P2RX3: variants seen among roughly 807,000 people sequenced by gnomAD.
P2RX3 encodes P2X purinoceptor 3.
P2RX3 carries 41 observed loss-of-function variants against 51.5 expected under a neutral mutation model. That is an observed-to-expected ratio of 0.80 (90% CI 0.62 to 1.03). P2RX3 has a LOEUF of 1.03. Among genes scored for constraint, P2RX3 ranks in the 50% least tolerant of loss-of-function variants. The pLI is 0.00. For synonymous variants in P2RX3, 185 were observed against 191.6 expected, an observed-to-expected ratio of 0.97 and a Z score of 0.29; for missense variants, 459 against 522.1, an observed-to-expected ratio of 0.88 and a Z score of 1.18.
chr11:57,347,528 C>A (rs926618144), intron 4 of P2RX3, 50 bp downstream of exon 4: 1 of 1,532,124 alleles, frequency 6.5e-7, no homozygotes, highest in African/African-American at 1.4e-5. Context: ...TAGTGGGACC[C>A]ATGGGGGAGA....
chr11:57,346,470 T>C, intron 1 of P2RX3, 74 bp from the exon 2 acceptor site: 1 of 1,560,920 alleles, frequency 6.4e-7, no homozygotes, highest in Non-Finnish European at 8.7e-7. Flanking sequence ...GGCAGGAAGG[T>C]GACCTCTCCC....
intron 10 of P2RX3, among the ~76,000 whole-genome samples, chr11:57,368,868 C>A (rs772360108): frequency 6.6e-6 from 1 of 152,132 alleles, no homozygotes; most frequent in Non-Finnish European, 1.5e-5. Context: ...TCTGGGTCAC[C>A]CCTAGGAGCT....
intron 4 of P2RX3, 92 bp downstream of exon 4, chr11:57,347,570 C>T: frequency 7.4e-7 from 1 of 1,347,080 alleles, no homozygotes; most frequent in South Asian, 1.3e-5. Flanking sequence ...GGGAACCAGC[C>T]TGTTCCATGT....
At chr11:57,360,018 G>A (rs1856689797) in intron 8 of P2RX3, among the ~76,000 whole-genome samples, 2 of 152,152 alleles carry the variant, frequency 1.3e-5, no homozygotes, top group Non-Finnish European at 2.9e-5. Context: ...TTCACCCAAG[G>A]TCATATAAAC....
Position 57,348,189 on chromosome 11 carries a change from C to A in P2RX3, c.411C>A (p.Cys137Ter). 6.3e-7 allele frequency: 1 copy of A among 1,594,034 alleles called. No homozygotes were observed. Among genetic ancestry groups the A allele is most frequent in the Non-Finnish European group, 8.5e-7 (1 of 1,170,326 alleles). Residue 137 changes from cysteine to a stop codon, truncating the protein, a stop_gained, in exon 5 of 12, where the codon TGC becomes TGA. Transcript: ENST00000263314. LOFTEE classifies it high-confidence loss of function. Reference sequence around the variant, plus strand: ...CTTTAGGGATCCTCACTGGCCGCTGCGTGAACTACAGCTCTGTGCTCCGGA... The same window carrying A: ...CTTTAGGGATCCTCACTGGCCGCTGAGTGAACTACAGCTCTGTGCTCCGGA... ...LPGGGILTGRCVNYSSVLRTC... is the reference protein window; with the variant it reads ...LPGGGILTGR
At chr11:57,358,174 G>A (rs1278788193) in intron 8 of P2RX3, among the ~76,000 whole-genome samples, 4 of 152,206 alleles carry the variant, frequency 2.6e-5, no homozygotes, top group Non-Finnish European at 5.9e-5. Context: ...AGCTCAGCAT[G>A]GGGAAGTACT....
intron 6 of P2RX3, among the ~76,000 whole-genome samples, 154 bp from the exon 7 acceptor site, chr11:57,349,603 A>G (rs1167265128): frequency 6.6e-6 from 1 of 152,174 alleles, no homozygotes; most frequent in Non-Finnish European, 1.5e-5. Flanking sequence ...AGAAAGATGC[A>G]GGGAAAGGAA....
intron 8 of P2RX3, among the ~76,000 whole-genome samples, chr11:57,365,766 C>T (rs1001765037): frequency 2.0e-5 from 3 of 152,164 alleles, no homozygotes; most frequent in South Asian, 2.1e-4. Flanking sequence ...CAGAATGCCC[C>T]ACTGCCAGAT....
chr11:57,358,612 G>T (rs1249866792), intron 8 of P2RX3, among the ~76,000 whole-genome samples: 1 of 152,118 alleles, frequency 6.6e-6, no homozygotes, highest in Non-Finnish European at 1.5e-5. Context: ...TTCCTCCTCT[G>T]TAAAATGGGC....
Position 57,369,387 on chromosome 11 carries a change from G to A in P2RX3, c.1029G>A (p.Leu343=). 1 of 1,610,600 alleles carries A rather than the reference G, an allele frequency of 6.2e-7. No individual in the cohort carries two copies. The highest frequency in any genetic ancestry group is 1.3e-5 in the African/African-American group (1 of 74,884). The change falls in exon 11 of 12, where the codon CTG becomes CTA. Residue 343 remains leucine, a synonymous_variant. Coordinates refer to ENST00000263314, the MANE Select transcript of P2RX3 (RefSeq NM_002559.5). Reference sequence around the variant, plus strand: ...GAACTGTTCTCTGTGACATCATCCTGCTCAACTTCCTCAAGGGGGCCGACC... The same window carrying A: ...GAACTGTTCTCTGTGACATCATCCTACTCAACTTCCTCAAGGGGGCCGACC... The part of the protein sequence containing the change: ...GVGTVLCDII[L]LNFLKGADQY...
chr11:57,351,110 C>A (rs1856540810), intron 8 of P2RX3, among the ~76,000 whole-genome samples: 1 of 152,110 alleles, frequency 6.6e-6, no homozygotes, highest in African/African-American at 2.4e-5. Context: ...CTGAAGGGGA[C>A]CACGCCAAGG....
chr11:57,344,118 C>T (rs1215119096), intron 1 of P2RX3, among the ~76,000 whole-genome samples: 1 of 152,204 alleles, frequency 6.6e-6, no homozygotes, highest in Non-Finnish European at 1.5e-5. Flanking sequence ...TTTACAAGCA[C>T]GCAAGTCACT....
chr11:57,353,834 C>T (rs1463075737), intron 8 of P2RX3, among the ~76,000 whole-genome samples: 4 of 21,492 alleles, frequency 1.9e-4, no homozygotes, highest in Non-Finnish European at 1.4e-3. Context: ...TTCCAAATGT[C>T]ACTCCCCCCC....
intron 8 of P2RX3, among the ~76,000 whole-genome samples, chr11:57,355,865 T>G (rs547773304): frequency 6.6e-6 from 1 of 152,232 alleles, no homozygotes; most frequent in South Asian, 2.1e-4. Context: ...TTTGAGGCCC[T>G]CTAAAAGCCT....
At chr11:57,341,437 C>T (rs10896608) in intron 1 of P2RX3, among the ~76,000 whole-genome samples, 12,647 of 152,166 alleles carry the variant, frequency 0.083, 588 homozygotes, top group Middle Eastern at 0.12. Context: ...TACGCTCTCA[C>T]CCCCGCCCCT....
intron 8 of P2RX3, among the ~76,000 whole-genome samples, chr11:57,367,592 G>A (rs750347971): frequency 1.6e-4 from 25 of 152,108 alleles, no homozygotes; most frequent in Admixed American, 2.6e-4. Context: ...ATGGTGGCGC[G>A]TGCCTGTAAT....
chr11:57,363,646 G>A (rs1330693616), intron 8 of P2RX3, among the ~76,000 whole-genome samples: 4 of 152,222 alleles, frequency 2.6e-5, no homozygotes, highest in African/African-American at 9.6e-5. Context: ...CAGGGGACTG[G>A]GAAATGTGGT....
At chr11:57,352,435 A>G (rs966932876) in intron 8 of P2RX3, among the ~76,000 whole-genome samples, 7 of 152,236 alleles carry the variant, frequency 4.6e-5, no homozygotes, top group African/African-American at 1.7e-4. Context: ...TGAGATCAAT[A>G]CAAAGGATAT....
chr11:57,351,033 C>T, intron 8 of P2RX3, 135 bp downstream of exon 8: 1 of 1,274,178 alleles, frequency 7.8e-7, no homozygotes, highest in Non-Finnish European at 1.1e-6. Context: ...CATTTCAAAT[C>T]AGGAAGGACT....
Sources: gnomAD v4.1 joint callset for allele counts (sites outside exome capture counted in the v4.1 genomes callset) on GRCh38, gnomAD v4.1.1 for gene constraint, MANE v1.5 for transcripts, NCBI Gene and HGNC (gene_info 2026-07-23, HGNC 2026-07-21) for gene names.